Variants in AK8 observed in about 807,000 individuals in gnomAD.
AK8 encodes ATP-AMP transphosphorylase 8.
AK8 carries 44 observed loss-of-function variants against 54.6 expected under a neutral mutation model. That is an observed-to-expected ratio of 0.81 (90% CI 0.63 to 1.04). The LOEUF is 1.04. Among genes scored for constraint, AK8 ranks in the 50% least tolerant of loss-of-function variants. The pLI is 0.00. For synonymous variants in AK8, 239 were observed against 245.6 expected (o/e 0.97, Z 0.25); for missense variants, 555 against 613.6 (o/e 0.90, Z 1.01).
At chr9:132,745,113 C>T (rs959662197) in intron 11 of AK8, among the ~76,000 whole-genome samples, 8 of 152,292 alleles carry the variant, frequency 5.3e-5, no homozygotes, top group Non-Finnish European at 1.0e-4. Flanking sequence ...ACCGTTCATC[C>T]GATCTCCCCT....
chr9:132,726,949 G>A (rs1405669232), intron 12 of AK8, among the ~76,000 whole-genome samples: 2 of 141,840 alleles, frequency 1.4e-5, no homozygotes, highest in African/African-American at 2.7e-5. Context: ...GACAACACCC[G>A]CCTCTTAGTG....
At chr9:132,809,451 C>T (rs1840891600) in intron 10 of AK8, among the ~76,000 whole-genome samples, 1 of 152,178 alleles carries the variant, frequency 6.6e-6, no homozygotes. Flanking sequence ...CCCTCCGGCT[C>T]TCCCATCCTC....
intron 6 of AK8, among the ~76,000 whole-genome samples, 159 bp from the exon 7 acceptor site, chr9:132,828,243 G>A (rs1320255444): frequency 6.6e-6 from 1 of 152,224 alleles, no homozygotes; most frequent in African/African-American, 2.4e-5. Flanking sequence ...CTAAGAGAAA[G>A]GTCTTCTCGC....
intron 11 of AK8, among the ~76,000 whole-genome samples, chr9:132,789,971 T>C (rs901984755): frequency 4.6e-5 from 7 of 152,130 alleles, no homozygotes; most frequent in African/African-American, 1.7e-4. Flanking sequence ...CTTAAGTATA[T>C]CTGCAAAGTC....
At chr9:132,737,122 T>C (rs1328347715) in intron 11 of AK8, among the ~76,000 whole-genome samples, 1 of 152,074 alleles carries the variant, frequency 6.6e-6, no homozygotes, top group African/African-American at 2.4e-5. Flanking sequence ...ATGGTCAAAA[T>C]AGTAAACTTT....
chr9:132,808,153 A>G (rs1302060599), intron 10 of AK8, among the ~76,000 whole-genome samples: 1 of 152,122 alleles, frequency 6.6e-6, no homozygotes, highest in East Asian at 1.9e-4. Flanking sequence ...ACTAGTGTAA[A>G]AGTGACAGGA....
chr9:132,764,444 C>A (rs1355049375), intron 11 of AK8, among the ~76,000 whole-genome samples: 1 of 151,728 alleles, frequency 6.6e-6, no homozygotes, highest in African/African-American at 2.4e-5. Flanking sequence ...AAGAAAAAAA[C>A]AGAAAAGACC....
intron 11 of AK8, among the ~76,000 whole-genome samples, chr9:132,775,230 A>T (rs1164933403): frequency 6.6e-6 from 1 of 152,152 alleles, no homozygotes; most frequent in Admixed American, 6.5e-5. Context: ...CTTAGGAAAA[A>T]ATGTTAAGTG....
intron 5 of AK8, among the ~76,000 whole-genome samples, chr9:132,852,060 A>G (rs1050723721): frequency 3.3e-5 from 5 of 152,244 alleles, no homozygotes; most frequent in Admixed American, 1.3e-4. Flanking sequence ...GAAGGCAGAA[A>G]GAACCGATGC....
rs773563325 is a variant in AK8 at position 132,725,784 on chromosome 9, C to T, written c.1344G>A (p.Gly448=). 1 of 1,603,110 alleles carries T rather than the reference C, an allele frequency of 6.2e-7. No individual in the cohort carries two copies. Among genetic ancestry groups the T allele is most frequent in the East Asian group, 2.2e-5 (1 of 44,636 alleles). The change falls in exon 13 of 13, where the codon GGG becomes GGA. Residue 448 remains glycine, a synonymous_variant. Coordinates refer to ENST00000298545, the MANE Select transcript of AK8 (RefSeq NM_152572.3). ...GGTCCCCATTGAGGGTGATGGCCGA[C>T]CCATACAACTGCTCCAAGTCAGCTG... is the stretch of plus-strand genomic sequence containing the variant. ...RNSADLEQLY[G]SAITLNGDQD...
In AK8 at chr9:132,770,669, G is replaced by C. The variant is rs999769580; in HGVS notation, c.1121+21965C>G. 6.6e-6 allele frequency among the ~76,000 whole-genome samples: 1 copy of C among 152,186 alleles called. No individual in the cohort carries two copies. The highest frequency in any genetic ancestry group is 1.5e-5 in the Non-Finnish European group (1 of 68,020). On this transcript the variant is annotated intron_variant, in intron 11 of 12. Coordinates refer to ENST00000298545, the MANE Select transcript of AK8 (RefSeq NM_152572.3). The surrounding 1 kb of genome is among the most constrained non-coding windows in gnomAD (Gnocchi z 4.3). ...GTGGGCAGCGGGCTGGGCCGAGATCGAGACCGGGACAAGGCAGGGAAGAGC... is the reference window on the plus strand; with the variant it reads ...GTGGGCAGCGGGCTGGGCCGAGATCCAGACCGGGACAAGGCAGGGAAGAGC...
chr9:132,844,297 CAAA>C (rs35309762), intron 5 of AK8, among the ~76,000 whole-genome samples: 11 of 92,640 alleles, frequency 1.2e-4, no homozygotes, highest in African/African-American at 3.3e-4. Context: ...TGCATTAGAC[CAAA>C]AAAAAAAAAA....
chr9:132,726,831 C>T (rs2771996), intron 12 of AK8, among the ~76,000 whole-genome samples: 8,876 of 152,018 alleles, frequency 0.058, 758 homozygotes, highest in African/African-American at 0.19. Flanking sequence ...ACTCCCATGA[C>T]AAATCAGGTC....
At chr9:132,757,796 A>G (rs1838261937) in intron 11 of AK8, among the ~76,000 whole-genome samples, 1 of 152,262 alleles carries the variant, frequency 6.6e-6, no homozygotes, top group African/African-American at 2.4e-5. Flanking sequence ...GCCGTGGGTA[A>G]TATAGCCATT....
At chr9:132,751,879 C>T (rs556933467) in intron 11 of AK8, among the ~76,000 whole-genome samples, 4 of 151,742 alleles carry the variant, frequency 2.6e-5, no homozygotes, top group Non-Finnish European at 5.9e-5. Context: ...CTCGCTCTGT[C>T]GCCCAGGCTG....
chr9:132,815,696 C>G (rs1402541855), intron 9 of AK8, among the ~76,000 whole-genome samples: 1 of 152,256 alleles, frequency 6.6e-6, no homozygotes, highest in Non-Finnish European at 1.5e-5. Flanking sequence ...TGAGCTAGGG[C>G]CGGCACAAAG....
At chr9:132,833,990 T>C (rs537697797) in intron 5 of AK8, among the ~76,000 whole-genome samples, 40 of 152,386 alleles carry the variant, frequency 2.6e-4, no homozygotes, top group Admixed American at 7.2e-4. Flanking sequence ...TCCCCAGTCC[T>C]GCCTCTGATC....
At chr9:132,834,516 C>T (rs940902480) in intron 5 of AK8, among the ~76,000 whole-genome samples, 1 of 152,196 alleles carries the variant, frequency 6.6e-6, no homozygotes, top group Non-Finnish European at 1.5e-5. Flanking sequence ...ATGCACTGAA[C>T]ACGGAACGTT....
chr9:132,878,429 C>T (rs1588255885), upstream of AK8: 1 of 1,232,066 alleles, frequency 8.1e-7, no homozygotes, highest in Non-Finnish European at 1.0e-6. This position sits in a 1 kb window ranked among gnomAD's most constrained non-coding sequence, Gnocchi z 4.7. Flanking sequence ...ACGCGCTCTG[C>T]GGCTCGGGCA....
Sources: gnomAD v4.1 joint callset for allele counts (sites outside exome capture counted in the v4.1 genomes callset) on GRCh38, gnomAD v4.1.1 for gene constraint, Gnocchi (gnomAD v3.1) non-coding constraint, MANE v1.5 for transcripts, NCBI Gene and HGNC (gene_info 2026-07-23, HGNC 2026-07-21) for gene names.